UPF3B: variants seen among roughly 807,000 people sequenced by gnomAD.
The protein encoded by UPF3B is regulator of nonsense transcripts 3B.
Under a neutral mutation model 40.3 loss-of-function variants are expected in UPF3B, and 7 were observed. That is an observed-to-expected ratio of 0.17 (90% CI 0.10 to 0.33). The LOEUF is 0.33. Ranked by LOEUF, UPF3B falls within the 10% of genes least tolerant of loss-of-function variation. The pLI is 1.00. For missense variants in UPF3B, 229 were observed against 358.9 expected (o/e 0.64, Z 2.93); for synonymous variants, 117 against 117.3 (o/e 1.00, Z 0.01).
At chrX:119,826,494 A>T (rs975652355) in intron 3 of UPF3B, among the ~76,000 whole-genome samples, 4 of 111,379 alleles carry the variant, frequency 3.6e-5, no homozygotes, top group African/African-American at 1.3e-4. Context: ...AAAGAAAAAA[A>T]ATAAACAGCA....
In UPF3B at chrX:119,822,966, TC is replaced by T; in HGVS notation, c.469del (p.Gly157GlufsTer5). On this transcript the variant is annotated frameshift_variant, in exon 4 of 7. Coordinates refer to the UPF3B transcript ENST00000636792. LOFTEE classifies it high-confidence loss of function. ...CCTGCTTTCTTTCTACTGCTGAATC[TC>T]CAGACTTGTCATCAGGGTGCCAGAG... is the stretch of plus-strand genomic sequence containing the variant. 2 of 915,126 alleles carry T rather than the reference TC, an allele frequency of 2.2e-6. No individual in the cohort carries two copies. Among genetic ancestry groups the T allele is most frequent in the Non-Finnish European group, 2.8e-6 (2 of 726,949 alleles). 75.4% of individuals were successfully genotyped at this position (915,126 alleles called of 1,213,427 possible).
At chrX:119,849,839 A>G (rs2056279168) in intron 3 of UPF3B, among the ~76,000 whole-genome samples, 1 of 111,761 alleles carries the variant, frequency 8.9e-6, no homozygotes, top group Admixed American at 9.6e-5. Flanking sequence ...ATGAGGACAT[A>G]AAGTGTGACT....
chrX:119,840,526 C>A, intron 8 of UPF3B, 120 bp downstream of exon 8: 1 of 589,481 alleles, frequency 1.7e-6, no homozygotes. Context: ...AGACTCAAGT[C>A]AACCTGAAGG....
At chrX:119,819,553 T>C (rs6603576) in intron 4 of UPF3B, among the ~76,000 whole-genome samples, 4,473 of 111,520 alleles carry the variant, frequency 0.04, 244 homozygotes, top group African/African-American at 0.14. Context: ...CTTCTGTCAC[T>C]TTTTTGTTTC....
chrX:119,828,789 C>A (rs768308580), intron 3 of UPF3B, among the ~76,000 whole-genome samples: 1 of 110,721 alleles, frequency 9.0e-6, no homozygotes, highest in Non-Finnish European at 1.9e-5. Context: ...GGTGCCATCT[C>A]GGCTCACTGC....
chrX:119,837,422 T>C (rs969560951), intron 10 of UPF3B, among the ~76,000 whole-genome samples: 2 of 106,594 alleles, frequency 1.9e-5, no homozygotes, highest in African/African-American at 6.8e-5. Context: ...AAGACCATCC[T>C]GGCTAACACG....
chrX:119,835,125 T>C (rs2056078348), intron 10 of UPF3B, 98 bp from the exon 11 acceptor site: 1 of 1,036,710 alleles, frequency 9.6e-7, no homozygotes, highest in Non-Finnish European at 1.3e-6. Context: ...TATGCTCAAG[T>C]GAAGTCATTT....
At chrX:119,842,587 CACACACACACACACACAT>C (rs1182670322) in intron 5 of UPF3B, among the ~76,000 whole-genome samples, 13 of 80,968 alleles carry the variant, frequency 1.6e-4, no homozygotes, top group South Asian at 6.4e-4. Context: ...CTCTCACACA[CACACACACACACACACAT>C]ACACACACAC....
At chrX:119,822,960 T>C (rs2055938178) in exon 4 of UPF3B, 2 of 916,576 alleles carry the variant, frequency 2.2e-6, no homozygotes, top group African/African-American at 2.1e-5. Flanking sequence ...TTTCTACTGC[T>C]GAATCTCCAG....
At chrX:119,825,733 C>T (rs2055971787) in intron 3 of UPF3B, among the ~76,000 whole-genome samples, 2 of 111,625 alleles carry the variant, frequency 1.8e-5, no homozygotes, top group South Asian at 7.4e-4. Flanking sequence ...GGGGACAATG[C>T]ACCTAAAAAA....
rs927908644 is a variant in UPF3B at position 119,852,908 on chromosome X, G to A, written c.21C>T (p.His7=). 12 of 1,211,226 alleles carry A rather than the reference G, an allele frequency of 9.9e-6. No homozygotes were observed. The highest frequency in any genetic ancestry group is 1.3e-5 in the Non-Finnish European group (12 of 895,474). Reference sequence around the variant, plus strand: ...GGGTTACTCGCTTCTCCTTAGGCCTGTGCTCCTTCTCTTCCTTCATGGCTA... The same window carrying A: ...GGGTTACTCGCTTCTCCTTAGGCCTATGCTCCTTCTCTTCCTTCATGGCTA... The part of the protein sequence containing the change: MKEEKE[H]RPKEKRVTLL... Residue 7 remains histidine (H), a synonymous_variant, in exon 1 of 11, where the codon CAC becomes CAT. Transcript: ENST00000276201.
At chrX:119,839,769 G>C (rs1404978397) in intron 8 of UPF3B, among the ~76,000 whole-genome samples, 1 of 112,120 alleles carries the variant, frequency 8.9e-6, no homozygotes, top group Non-Finnish European at 1.9e-5. Context: ...GGTTTCATTG[G>C]AAGTGCTCTT....
At chrX:119,816,242 G>C (rs184160132) in intron 4 of UPF3B, among the ~76,000 whole-genome samples, 9 of 111,914 alleles carry the variant, frequency 8.0e-5, no homozygotes, top group Non-Finnish European at 1.7e-4. Context: ...CTTAGCAGGA[G>C]TGAAGGCTCT....
chrX:119,823,023 A>G, exon 4 of UPF3B: 1 of 866,445 alleles, frequency 1.2e-6, no homozygotes, highest in Non-Finnish European at 1.4e-6. Context: ...CTCGATGGTA[A>G]CACTGCATCC....
Position 119,842,593 on chromosome X carries a change from C to T in UPF3B, c.580+598G>A, listed in dbSNP as rs563325712. On this transcript the variant is annotated intron_variant, in intron 5 of 10. Coordinates refer to ENST00000276201, the MANE Select transcript of UPF3B (RefSeq NM_080632.3). The stretch of plus-strand genomic sequence containing the variant: ...AGACTCCATCTCTCACACACACACA[C>T]ACACACACACATACACACACACACA... Among the ~76,000 whole-genome samples, 832 of 84,904 alleles carry T rather than the reference C, an allele frequency of 9.8e-3. 3 individuals are homozygous for T. Among genetic ancestry groups the T allele is most frequent in the South Asian group, 0.032 (54 of 1,698 alleles). The allele number at this position is 84,904 out of a possible 115,157, so 73.7% of individuals were successfully genotyped here.
intron 6 of UPF3B, among the ~76,000 whole-genome samples, chrX:119,806,153 A>G (rs1198954205): frequency 1.3e-5 from 1 of 79,860 alleles, no homozygotes; most frequent in African/African-American, 4.7e-5. Context: ...CTATGCAGCC[A>G]TAAAAAATGA....
chrX:119,830,048 G>A (rs935055799), downstream of UPF3B, among the ~76,000 whole-genome samples: 2 of 111,535 alleles, frequency 1.8e-5, no homozygotes, highest in African/African-American at 6.5e-5. Flanking sequence ...AATCATTATT[G>A]GTGGCTCTTC....
At chrX:119,826,375 G>A (rs1249062218) in intron 3 of UPF3B, among the ~76,000 whole-genome samples, 2 of 110,240 alleles carry the variant, frequency 1.8e-5, no homozygotes, top group African/African-American at 6.6e-5. Context: ...CAGGTACTAG[G>A]GGAGGCTGAG....
chrX:119,807,982 A>AG (rs1325809347), intron 5 of UPF3B, among the ~76,000 whole-genome samples: 5 of 111,306 alleles, frequency 4.5e-5, no homozygotes, highest in Non-Finnish European at 7.5e-5. Context: ...TTTAGTAGAG[A>AG]GGGGGTCTCC....
Sources: allele counts gnomAD v4.1 joint callset (sites outside exome capture counted in the v4.1 genomes callset), GRCh38; gene constraint gnomAD v4.1.1; transcripts MANE v1.5; gene names NCBI Gene and HGNC (gene_info 2026-07-23, HGNC 2026-07-21).